Variants in M1AP observed in about 807,000 individuals in gnomAD.
M1AP encodes meiosis 1 associated protein.
A neutral mutation model predicts 51.2 loss-of-function variants in M1AP; 39 were observed. The ratio of observed to expected loss-of-function variants is 0.76; its 90% CI spans 0.59 to 1.00. The LOEUF (loss-of-function observed/expected upper bound fraction) is 1.00. Among genes scored for constraint, M1AP ranks in the 50% least tolerant of loss-of-function variants. M1AP has a pLI of 0.00. For missense variants in M1AP, 545 were observed against 641.2 expected (o/e 0.85, Z 1.62); for synonymous variants, 251 against 249.2 (o/e 1.01, Z -0.07).
intron 3 of M1AP, among the ~76,000 whole-genome samples, chr2:74,612,334 T>G (rs755881754): frequency 1.3e-5 from 2 of 152,018 alleles, no homozygotes; most frequent in Non-Finnish European, 2.9e-5. Context: ...TCTTTCCACC[T>G]CGGCCTCCCA....
chr2:74,624,313 T>G (rs1682251419), intron 2 of M1AP, among the ~76,000 whole-genome samples: 1 of 152,248 alleles, frequency 6.6e-6, no homozygotes. Context: ...AGACATATAT[T>G]ATTGACCTAG....
chr2:74,600,904 C>G (rs1455072910), intron 4 of M1AP, among the ~76,000 whole-genome samples: 1 of 151,792 alleles, frequency 6.6e-6, no homozygotes, highest in Non-Finnish European at 1.5e-5. Flanking sequence ...TTAATAAATA[C>G]GAATTATTAG....
intron 1 of M1AP, among the ~76,000 whole-genome samples, chr2:74,645,106 C>T (rs1683525756): frequency 1.3e-5 from 2 of 152,216 alleles, no homozygotes; most frequent in South Asian, 2.1e-4. Flanking sequence ...TCTGCAGCTT[C>T]GCTCCTGAGG....
chr2:74,575,418 C>T lies in M1AP; in HGVS notation c.1074+20G>A. 1 of 1,612,856 alleles carries T rather than the reference C, an allele frequency of 6.2e-7. No homozygotes were observed. Among genetic ancestry groups the T allele is most frequent in the South Asian group, 1.1e-5 (1 of 90,914 alleles). The stretch of plus-strand genomic sequence containing the variant: ...TTTAAAAACGATTCTTCTTTTTCAC[C>T]TGGGGACATGGGTACTCACCAGCAG... On this transcript the variant is annotated intron_variant, in intron 7 of 10. Coordinates refer to ENST00000421985, the MANE Select transcript of M1AP (RefSeq NM_001321739.2).
At chr2:74,629,401 C>G (rs1380014870) in intron 2 of M1AP, among the ~76,000 whole-genome samples, 3 of 152,186 alleles carry the variant, frequency 2.0e-5, no homozygotes, top group African/African-American at 7.2e-5. Context: ...AACCGCACAT[C>G]TGACCTCATG....
intron 8 of M1AP, among the ~76,000 whole-genome samples, chr2:74,561,184 A>G (rs1248951997): frequency 0.1 from 2,108 of 21,120 alleles, no homozygotes; most frequent in Non-Finnish European, 0.18. Context: ...GGAGGAGGAG[A>G]AGGAGGAGGA....
At chr2:74,575,347 T>G in intron 7 of M1AP, 91 bp downstream of exon 7, 2 of 1,572,916 alleles carry the variant, frequency 1.3e-6, no homozygotes, top group Non-Finnish European at 1.7e-6. Flanking sequence ...TTGAGGCAGA[T>G]TTAGGATTGG....
chr2:74,596,910 A>C (rs1358168993), intron 4 of M1AP, among the ~76,000 whole-genome samples: 1 of 152,208 alleles, frequency 6.6e-6, no homozygotes, highest in Non-Finnish European at 1.5e-5. Flanking sequence ...AATACAGACT[A>C]ACCTACAGAC....
chr2:74,647,070 A>G (rs1207390659), intron 1 of M1AP, among the ~76,000 whole-genome samples: 1 of 152,132 alleles, frequency 6.6e-6, no homozygotes, highest in Non-Finnish European at 1.5e-5. Context: ...TCTCCCTGCA[A>G]ACTGGTTAAA....
intron 2 of M1AP, among the ~76,000 whole-genome samples, chr2:74,633,571 T>C (rs1447727893): frequency 6.6e-6 from 1 of 152,160 alleles, no homozygotes; most frequent in African/African-American, 2.4e-5. Flanking sequence ...CCCACTTGCT[T>C]GTGCCATATT....
At chr2:74,636,335 C>T (rs1160453233) in intron 2 of M1AP, among the ~76,000 whole-genome samples, 2 of 151,924 alleles carry the variant, frequency 1.3e-5, no homozygotes, top group South Asian at 2.1e-4. Flanking sequence ...TTACTTTCAG[C>T]CTACATTTAA....
chr2:74,560,370 G>A lies in M1AP; in HGVS notation c.1282-79C>T, dbSNP rs367888963. 9 of 1,433,310 alleles carry A rather than the reference G, an allele frequency of 6.3e-6. No homozygotes were observed. In the Admixed American group the frequency reaches 2.1e-4, roughly 33 times the overall value. 88.8% of individuals were successfully genotyped at this position (1,433,310 alleles called of 1,614,324 possible). The stretch of plus-strand genomic sequence containing the variant: ...AGATGTCAGGTAGCGATCCAGGAGT[G>A]TGAGGGGCTGGAGGAAGTGTGAAAC... On this transcript the variant is annotated intron_variant, in intron 8 of 10. Coordinates refer to ENST00000421985, the MANE Select transcript of M1AP (RefSeq NM_001321739.2).
intron 1 of M1AP, among the ~76,000 whole-genome samples, chr2:74,642,401 A>G (rs962529234): frequency 1.3e-5 from 2 of 152,230 alleles, no homozygotes; most frequent in African/African-American, 4.8e-5. Flanking sequence ...GATCATCCCA[A>G]TAGACGCAAA....
At chr2:74,594,542 A>T (rs544661099) in intron 4 of M1AP, among the ~76,000 whole-genome samples, 570 of 152,080 alleles carry the variant, frequency 3.7e-3, no homozygotes, top group South Asian at 0.014. Flanking sequence ...AAAAATATTT[A>T]AAAAAAATGG....
At chr2:74,587,471 T>C (rs1679781263) in intron 4 of M1AP, among the ~76,000 whole-genome samples, 1 of 152,236 alleles carries the variant, frequency 6.6e-6, no homozygotes, top group Non-Finnish European at 1.5e-5. Context: ...GTGCTGGGAT[T>C]ACAGGTGTGA....
At chr2:74,559,813 C>A in intron 9 of M1AP, 104 bp from the exon 10 acceptor site, 1 of 697,478 alleles carries the variant, frequency 1.4e-6, no homozygotes, top group South Asian at 1.6e-5. Context: ...TTGGGCATTT[C>A]TTTTCCCACC....
chr2:74,644,544 A>G (rs1683486597), intron 1 of M1AP, among the ~76,000 whole-genome samples: 1 of 152,108 alleles, frequency 6.6e-6, no homozygotes, highest in Non-Finnish European at 1.5e-5. Flanking sequence ...TCTCAAAAAA[A>G]AAAAAAAAAA....
intron 7 of M1AP, among the ~76,000 whole-genome samples, chr2:74,569,377 C>CTT (rs1196526014): frequency 4.5e-4 from 58 of 128,674 alleles, no homozygotes; most frequent in Non-Finnish European, 5.9e-4. Flanking sequence ...CCTCACTCTA[C>CTT]TTTTTTTTTT....
At chr2:74,645,243 A>G (rs1389606271) in intron 1 of M1AP, among the ~76,000 whole-genome samples, 1 of 152,120 alleles carries the variant, frequency 6.6e-6, no homozygotes, top group Non-Finnish European at 1.5e-5. Flanking sequence ...AATCCACCAG[A>G]AGGAAGAAAC....
Sources: allele counts gnomAD v4.1 joint callset (sites outside exome capture counted in the v4.1 genomes callset), GRCh38; gene constraint gnomAD v4.1.1; transcripts MANE v1.5; gene names NCBI Gene and HGNC (gene_info 2026-07-23, HGNC 2026-07-21).